The following LRSAM1 variants were observed in gnomAD, a reference collection of about 807,000 sequenced individuals.
The protein encoded by LRSAM1 is leucine rich repeat and sterile alpha motif containing 1.
A neutral mutation model predicts 118.1 loss-of-function variants in LRSAM1; 96 were observed. The ratio of observed to expected loss-of-function variants is 0.81; its 90% CI spans 0.69 to 0.96. The LOEUF is 0.96. Among genes scored for constraint, LRSAM1 ranks in the 40% least tolerant of loss-of-function variants. The pLI, the probability that LRSAM1 is intolerant of heterozygous loss-of-function variation, is 0.00. For missense variants in LRSAM1, 804 were observed against 915.5 expected, an observed-to-expected ratio of 0.88 and a Z score of 1.57; for synonymous variants, 322 against 364.2, an observed-to-expected ratio of 0.88 and a Z score of 1.32.
intron 23 of LRSAM1, 40 bp from the exon 24 acceptor site, chr9:127,497,213 C>T (rs751958829): frequency 1.9e-6 from 3 of 1,603,986 alleles, no homozygotes; most frequent in Admixed American, 3.3e-5. Context: ...TAGCGGGCTC[C>T]CGCCCAGGCC....
intron 10 of LRSAM1, among the ~76,000 whole-genome samples, chr9:127,468,516 G>A (rs764062904): frequency 6.6e-6 from 1 of 152,128 alleles, no homozygotes; most frequent in African/African-American, 2.4e-5. Flanking sequence ...ATGCAACCAA[G>A]ACACACATGC....
chr9:127,501,223 G>A (rs1468830611), intron 25 of LRSAM1, 80 bp downstream of exon 25: 2 of 1,542,050 alleles, frequency 1.3e-6, no homozygotes, highest in Non-Finnish European at 1.8e-6. Flanking sequence ...GGTTGTCTCT[G>A]AACGTGTTTT....
intron 24 of LRSAM1, 138 bp from the exon 25 acceptor site, chr9:127,500,872 T>C: frequency 8.5e-7 from 1 of 1,171,506 alleles, no homozygotes; most frequent in Admixed American, 1.8e-5. Flanking sequence ...AGGAGAGCAC[T>C]TCCCTCAGAT....
chr9:127,475,703 A>G (rs1684649096), intron 11 of LRSAM1, among the ~76,000 whole-genome samples: 1 of 152,150 alleles, frequency 6.6e-6, no homozygotes, highest in Non-Finnish European at 1.5e-5. Context: ...ACAACTTTGG[A>G]GGATAATTTG....
At chr9:127,470,076 A>G (rs1448763271) in intron 10 of LRSAM1, among the ~76,000 whole-genome samples, 1 of 152,078 alleles carries the variant, frequency 6.6e-6, no homozygotes, top group Non-Finnish European at 1.5e-5. Context: ...AGTGAAAATT[A>G]CCTTAAAAAT....
At chr9:127,455,694 G>A in intron 5 of LRSAM1, 74 bp downstream of exon 5, 1 of 1,445,924 alleles carries the variant, frequency 6.9e-7, no homozygotes. Context: ...GGACTTTGAG[G>A]AGCTGTCTTC....
rs1426922539 is a variant in LRSAM1 at position 127,491,138 on chromosome 9, TCACCAGAGAGTAG to T, written c.1423-74_1423-62del. 75 of 1,263,190 alleles carry T rather than the reference TCACCAGAGAGTAG, an allele frequency of 5.9e-5. 1 individual carries two copies. The South Asian group carries it at 6.7e-4, about 11-fold the overall frequency. The allele number at this position is 1,263,190 out of a possible 1,614,324, so 78.2% of individuals were successfully genotyped here. ...AGAAAGGCTTCTTAGACCCACTTGG[TCACCAGAGAGTAG>T]CAGCACAAAACTGAACTGTGGTTAA... On this transcript the variant is annotated intron_variant, in intron 19 of 25. Transcript: ENST00000300417.
At chr9:127,471,786 C>CA (rs962910881) in intron 10 of LRSAM1, among the ~76,000 whole-genome samples, 15 of 148,370 alleles carry the variant, frequency 1.0e-4, no homozygotes, top group African/African-American at 1.7e-4. Flanking sequence ...GACTCCATCT[C>CA]AAAAAAAAAG....
intron 5 of LRSAM1, among the ~76,000 whole-genome samples, chr9:127,455,823 C>T (rs1834496156): frequency 6.6e-6 from 1 of 152,152 alleles, no homozygotes; most frequent in South Asian, 2.1e-4. Flanking sequence ...CTAACTCTGC[C>T]CTCACTGGCT....
intron 22 of LRSAM1, 64 bp downstream of exon 22, chr9:127,495,482 T>C (rs553124099): frequency 7.5e-7 from 1 of 1,330,058 alleles, no homozygotes; most frequent in South Asian, 1.2e-5. Context: ...GAGGCGCCTG[T>C]GGTGCCTCCA....
Position 127,461,156 on chromosome 9 carries a change from C to G in LRSAM1, c.322-17C>G, listed in dbSNP as rs1481920738. 2 of 1,605,092 alleles carry G rather than the reference C, an allele frequency of 1.2e-6. No individual in the cohort carries two copies. The highest frequency in any genetic ancestry group is 1.7e-6 in the Non-Finnish European group (2 of 1,173,808). On this transcript the variant is annotated splice_polypyrimidine_tract_variant and intron_variant, in intron 7 of 25. Transcript: ENST00000300417. ...GGCATAAGCCACTGCGCCTGGCTGC[C>G]TCTTCCTCTTTCTTAGGTCTTAAAC... is the stretch of plus-strand genomic sequence containing the variant.
At chr9:127,459,530 T>C (rs1834657192) in intron 7 of LRSAM1, among the ~76,000 whole-genome samples, 1 of 151,744 alleles carries the variant, frequency 6.6e-6, no homozygotes, top group Non-Finnish European at 1.5e-5. Context: ...ATTGTACCAC[T>C]TTGAGCCACA....
chr9:127,478,051 T>C (rs1301542373), intron 11 of LRSAM1, among the ~76,000 whole-genome samples: 1 of 124,100 alleles, frequency 8.1e-6, no homozygotes, highest in East Asian at 2.3e-4. Context: ...AAACTCCGTC[T>C]CAAAAAAAAA....
At position 127,455,707 on chromosome 9, in the gene LRSAM1, G is replaced by A. The variant is rs886442023; in HGVS notation, c.174+87G>A. The stretch of plus-strand genomic sequence containing the variant: ...AGGGACTTTGAGGAGCTGTCTTCCC[G>A]GCGTAGACACCTCCTTTCTCTCTGC... On this transcript the variant is annotated intron_variant, in intron 5 of 25. Transcript: ENST00000300417. 106 of 1,244,678 alleles carry A rather than the reference G, an allele frequency of 8.5e-5. 1 individual carries two copies. The highest frequency in any genetic ancestry group is 1.1e-4 in the South Asian group (9 of 83,520). 77.1% of individuals were successfully genotyped at this position (1,244,678 alleles called of 1,614,324 possible).
At position 127,497,331 on chromosome 9, in the gene LRSAM1, C is replaced by G. The variant is rs1836189507; in HGVS notation, c.1909C>G (p.Pro637Ala). The change falls in exon 24 of 26, where the codon CCA becomes GCA. Residue 637 changes from proline (P) to alanine (A), a missense_variant. Physicochemically the swap from Pro to Ala is conservative, Grantham distance 27 (BLOSUM62 -1). Coordinates refer to ENST00000300417, the MANE Select transcript of LRSAM1 (RefSeq NM_001005373.4). ...QELLDAARIQ[P>A]ELKPPMGEVV... ...ACTGCTGGATGCAGCCAGGATCCAG[C>G]CAGGTACAAGCACAGCTCCAGCCTC... 6.2e-7 allele frequency: 1 copy of G among 1,611,828 alleles called. No homozygotes were observed. Among genetic ancestry groups the G allele is most frequent in the African/African-American group, 1.3e-5 (1 of 74,946 alleles).
At chr9:127,491,079 G>A (rs1226847773) in intron 19 of LRSAM1, 136 bp from the exon 20 acceptor site, 8 of 769,502 alleles carry the variant, frequency 1.0e-5, no homozygotes, top group Non-Finnish European at 1.4e-5. Flanking sequence ...AGGCCCGCAG[G>A]TTCCCCTCAT....
chr9:127,497,337 A>G lies in LRSAM1; in HGVS notation c.1912+3A>G. 6.2e-7 allele frequency: 1 copy of G among 1,611,698 alleles called. No homozygotes were observed. The highest frequency in any genetic ancestry group is 8.5e-7 in the Non-Finnish European group (1 of 1,179,712). The stretch of plus-strand genomic sequence containing the variant: ...GGATGCAGCCAGGATCCAGCCAGGT[A>G]CAAGCACAGCTCCAGCCTCTTCCAG... On this transcript the variant is annotated splice_donor_region_variant and intron_variant, in intron 24 of 25. Coordinates refer to ENST00000300417, the MANE Select transcript of LRSAM1 (RefSeq NM_001005373.4).
intron 15 of LRSAM1, 91 bp downstream of exon 15, chr9:127,481,318 T>G: frequency 2.8e-6 from 4 of 1,433,598 alleles, no homozygotes; most frequent in African/African-American, 1.4e-5. Flanking sequence ...AGTGGCACAA[T>G]CTCGGCTCAG....
At chr9:127,489,670 C>T (rs1835860328) in intron 19 of LRSAM1, 152 bp downstream of exon 19, 1 of 839,300 alleles carries the variant, frequency 1.2e-6, no homozygotes, top group Non-Finnish European at 1.9e-6. Flanking sequence ...TCAGAACCTC[C>T]CTTTGCTCCC....
Sources: allele counts gnomAD v4.1 joint callset (sites outside exome capture counted in the v4.1 genomes callset), GRCh38; gene constraint gnomAD v4.1.1; transcripts MANE v1.5; gene names NCBI Gene and HGNC (gene_info 2026-07-23, HGNC 2026-07-21).